Variants in PARD3B observed in about 807,000 individuals in gnomAD.
PARD3B encodes the protein par-3 family cell polarity regulator beta.
A neutral mutation model predicts 130.2 loss-of-function variants in PARD3B; 103 were observed. The ratio of observed to expected loss-of-function variants is 0.79; its 90% confidence interval spans 0.67 to 0.93. The LOEUF (loss-of-function observed/expected upper bound fraction) is 0.93. Ranked by LOEUF, PARD3B falls within the 40% of genes least tolerant of loss-of-function variation. The pLI is 0.00. For synonymous variants in PARD3B, 583 were observed against 553.2 expected, an observed-to-expected ratio of 1.05 and a Z score of -0.76; for missense variants, 1,609 against 1,499.2, an observed-to-expected ratio of 1.07 and a Z score of -1.21.
chr2:205,475,078 C>T lies in PARD3B; in HGVS notation c.3045-24818C>T, dbSNP rs915667153. On this transcript the variant is annotated intron_variant, in intron 20 of 22. Coordinates refer to ENST00000406610, the MANE Select transcript of PARD3B (RefSeq NM_001302769.2). ...ATGCAGGCTTTTATCTCCCTCTTGA[C>T]AAAAATGAATGATTATGCACCCAGG... Among the ~76,000 whole-genome samples the T allele has an allele frequency of 1.2e-4, 19 of 152,174 alleles. 1 individual carries two copies. The highest frequency in any genetic ancestry group is 6.8e-3 in the Middle Eastern group (2 of 294).
rs16836666 is a variant in PARD3B, at chr2:204,837,051, G to T, written c.223-128101G>T. Among the ~76,000 whole-genome samples the T allele has an allele frequency of 6.6e-3, 1,010 of 152,252 alleles. 8 individuals are homozygous for T. Among genetic ancestry groups the T allele is most frequent in the Middle Eastern group, 0.041 (12 of 294 alleles). Reference sequence around the variant, plus strand: ...CACACTTTTGATACCCAATGAGATAGTTCACCTTCGGTAACATGAGGCGTT... The same window carrying T: ...CACACTTTTGATACCCAATGAGATATTTCACCTTCGGTAACATGAGGCGTT... On this transcript the variant is annotated intron_variant, in intron 2 of 22. Coordinates refer to ENST00000406610, the MANE Select transcript of PARD3B (RefSeq NM_001302769.2).
At chr2:205,133,870 A>G (rs1175773490) in intron 10 of PARD3B, among the ~76,000 whole-genome samples, 1 of 152,218 alleles carries the variant, frequency 6.6e-6, no homozygotes, top group Non-Finnish European at 1.5e-5. Context: ...AAAATTTTTT[A>G]TGTGCCACCT....
intron 1 of PARD3B, among the ~76,000 whole-genome samples, chr2:204,646,246 G>A (rs1559027037): frequency 1.3e-5 from 2 of 152,094 alleles, no homozygotes; most frequent in Non-Finnish European, 2.9e-5. Context: ...ACGTGCCACT[G>A]CTGAAACACT....
intron 2 of PARD3B, among the ~76,000 whole-genome samples, chr2:204,785,324 C>G (rs1237647306): frequency 1.3e-5 from 2 of 152,144 alleles, no homozygotes; most frequent in Non-Finnish European, 2.9e-5. Flanking sequence ...TGGCACCTCT[C>G]TATCTCTCTA....
chr2:204,570,147 G>T (rs2031907112), intron 1 of PARD3B, among the ~76,000 whole-genome samples: 1 of 152,134 alleles, frequency 6.6e-6, no homozygotes, highest in South Asian at 2.1e-4. Flanking sequence ...CATAGATGAA[G>T]GCTACAAAGT....
intron 18 of PARD3B, among the ~76,000 whole-genome samples, chr2:205,327,393 C>T (rs1054099903): frequency 1.6e-4 from 25 of 152,170 alleles, no homozygotes; most frequent in Admixed American, 1.3e-4. Context: ...ATCTAACTCC[C>T]TTATATTATT....
intron 1 of PARD3B, among the ~76,000 whole-genome samples, chr2:204,638,730 T>C (rs1271088948): frequency 2.0e-5 from 3 of 152,210 alleles, no homozygotes; most frequent in Non-Finnish European, 4.4e-5. Flanking sequence ...TTGTACCTCA[T>C]GTTTAGCATG....
Position 205,389,036 on chromosome 2 carries a change from A to T in PARD3B, c.2631-11977A>T, listed in dbSNP as rs569741141. ...ACGAATGGAGATCCTTGTAGGCAAC[A>T]TTCGTTTGACAAATTTCATAGAAAC... On this transcript the variant is annotated intron_variant, in intron 18 of 22. Transcript: ENST00000406610. 1.1e-4 allele frequency among the ~76,000 whole-genome samples: 16 copies of T among 152,346 alleles called. No individual in the cohort carries two copies. The South Asian group carries it at 2.3e-3, about 22-fold the overall frequency.
rs184101365 is a variant in PARD3B at position 205,223,527 on chromosome 2, A to G, written c.2141-22251A>G. Among the ~76,000 whole-genome samples the G allele has an allele frequency of 4.3e-3, 654 of 152,286 alleles. 2 individuals carry two copies. Among genetic ancestry groups the G allele is most frequent in the African/African-American group, 0.013 (542 of 41,560 alleles). ...ACTGCTGCTCATGAAGACAGCATGTATGTTGTCAGGACAGGAGAATAACCC... is the reference window on the plus strand; with the variant it reads ...ACTGCTGCTCATGAAGACAGCATGTGTGTTGTCAGGACAGGAGAATAACCC... On this transcript the variant is annotated intron_variant, in intron 15 of 22. Coordinates refer to ENST00000406610, the MANE Select transcript of PARD3B (RefSeq NM_001302769.2).
intron 13 of PARD3B, among the ~76,000 whole-genome samples, chr2:205,178,857 A>C (rs2035633154): frequency 6.6e-6 from 1 of 152,152 alleles, no homozygotes; most frequent in Non-Finnish European, 1.5e-5. Flanking sequence ...AAAATTCCTA[A>C]TGCTATACTA....
rs56722764 is a variant in PARD3B at position 205,134,359 on chromosome 2, C to CAAA, written c.1434+8635_1434+8637dup. Among the ~76,000 whole-genome samples, 284 of 137,082 alleles carry CAAA rather than the reference C, an allele frequency of 2.1e-3. 5 individuals are homozygous for CAAA. The highest frequency in any genetic ancestry group is 0.012 in the East Asian group (56 of 4,692). The allele number at this position is 137,082 out of a possible 152,430, so 89.9% of individuals were successfully genotyped here. On this transcript the variant is annotated intron_variant, in intron 10 of 22. Coordinates refer to ENST00000406610, the MANE Select transcript of PARD3B (RefSeq NM_001302769.2). ...ACAACATGGTGAAACCCCATCTCTA[C>CAAA]AAAAAAAAAAAAAAATTAGCCAGGC...
chr2:204,936,888 A>G (rs16836757), intron 2 of PARD3B, among the ~76,000 whole-genome samples: 4,700 of 152,376 alleles, frequency 0.031, 98 homozygotes, highest in African/African-American at 0.053. Flanking sequence ...AATTTGATAT[A>G]TAAGAAAGAT....
intron 2 of PARD3B, among the ~76,000 whole-genome samples, chr2:204,861,232 TTG>T (rs1292689168): frequency 1.3e-5 from 2 of 149,730 alleles, no homozygotes; most frequent in African/African-American, 2.5e-5. Context: ...TTATTTGATA[TTG>T]TGTTTCCAGA....
chr2:205,395,982 A>G (rs1006077056), intron 18 of PARD3B, among the ~76,000 whole-genome samples: 2 of 152,042 alleles, frequency 1.3e-5, no homozygotes, highest in African/African-American at 4.8e-5. Context: ...ACCTGTCCCC[A>G]TTGGCTTTTC....
intron 4 of PARD3B, among the ~76,000 whole-genome samples, chr2:205,074,604 T>A (rs555350921): frequency 7.2e-5 from 11 of 152,328 alleles, no homozygotes; most frequent in African/African-American, 2.6e-4. Context: ...TTAGTAATCA[T>A]GGCTGTCTGA....
At chr2:204,714,706 A>G (rs1297862505) in intron 2 of PARD3B, among the ~76,000 whole-genome samples, 3 of 152,220 alleles carry the variant, frequency 2.0e-5, no homozygotes, top group South Asian at 4.1e-4. Flanking sequence ...ACTTATCTCT[A>G]TGATATCAAA....
intron 1 of PARD3B, among the ~76,000 whole-genome samples, chr2:204,604,277 GA>G (rs1220876540): frequency 6.6e-6 from 1 of 152,164 alleles, no homozygotes; most frequent in Non-Finnish European, 1.5e-5. Context: ...AAGGAAGGGT[GA>G]GGGGTTATTC....
chr2:204,748,680 G>C (rs2040344148), intron 2 of PARD3B, among the ~76,000 whole-genome samples: 1 of 152,008 alleles, frequency 6.6e-6, no homozygotes, highest in Non-Finnish European at 1.5e-5. Flanking sequence ...TGTGGAGTAG[G>C]GTATGAGAAC....
chr2:205,473,545 G>C lies in PARD3B; in HGVS notation c.3045-26351G>C, dbSNP rs928045998. ...GGGCACGTTTCACTCATTAATATGG[G>C]TGATATCTTACATTGTTGGAAAGAG... On this transcript the variant is annotated intron_variant, in intron 20 of 22. Transcript: ENST00000406610. This position sits in a 1 kb window ranked among gnomAD's most constrained non-coding sequence, Gnocchi z 4.9. Among the ~76,000 whole-genome samples the C allele has an allele frequency of 1.3e-5, 2 of 151,470 alleles. No homozygotes were observed. The highest frequency in any genetic ancestry group is 4.8e-5 in the African/African-American group (2 of 41,288).
Sources: allele counts gnomAD v4.1 joint callset (sites outside exome capture counted in the v4.1 genomes callset), GRCh38; gene constraint gnomAD v4.1.1; non-coding constraint Gnocchi (gnomAD v3.1); transcripts MANE v1.5; gene names NCBI Gene and HGNC (gene_info 2026-07-23, HGNC 2026-07-21).